The following CDAN1 variants were observed in gnomAD, a reference collection of about 807,000 sequenced individuals.
CDAN1 encodes codanin-1.
Under a neutral mutation model 139.8 loss-of-function variants are expected in CDAN1, and 107 were observed. The observed-to-expected ratio is 0.77, with a 90% confidence interval of 0.65 to 0.90. CDAN1 has a LOEUF of 0.90. CDAN1 is among the 40% of genes least tolerant of loss of function. CDAN1 has a pLI of 0.00. For missense variants in CDAN1, 1,667 were observed against 1,575.7 expected, an observed-to-expected ratio of 1.06 and a Z score of -0.98; for synonymous variants, 776 against 660.6, an observed-to-expected ratio of 1.17 and a Z score of -2.68.
At chr15:42,724,762 G>T in intron 27 of CDAN1, 146 bp from the exon 28 acceptor site, 2 of 1,047,842 alleles carry the variant, frequency 1.9e-6, no homozygotes, top group South Asian at 1.4e-5. Context: ...AACCTTGTCT[G>T]TTTGTTAGTA....
intron 21 of CDAN1, 67 bp from the exon 22 acceptor site, chr15:42,728,100 G>C (rs117597169): frequency 1.3e-6 from 2 of 1,586,230 alleles, no homozygotes; most frequent in Non-Finnish European, 1.7e-6. Context: ...TGCCAGAGTC[G>C]AGCACTGACC....
chr15:42,728,011 A>G lies in CDAN1; in HGVS notation c.2891T>C (p.Ile964Thr). Reference sequence around the variant, plus strand: ...TTTCTCTGTTGCAAGCCCCACAGCAATGTTCTCTGCACTGCTCAGAACCTG... The same window carrying G: ...TTTCTCTGTTGCAAGCCCCACAGCAGTGTTCTCTGCACTGCTCAGAACCTG... ...PAAVLSSAEN[I>T]AVGLATEKAC... The change falls in exon 22 of 28, where the codon ATT becomes ACT. Residue 964 changes from isoleucine (I) to threonine (T), a missense_variant. By Grantham distance (89) the Ile-to-Thr change is moderately conservative. This residue lies in a region of CDAN1 where 936 missense variants were observed against 844.1 expected (regional missense o/e 1.11). Coordinates refer to ENST00000356231, the MANE Select transcript of CDAN1 (RefSeq NM_138477.4). 2 of 1,613,678 alleles carry G rather than the reference A, an allele frequency of 1.2e-6. No homozygotes were observed. The highest frequency in any genetic ancestry group is 1.7e-6 in the Non-Finnish European group (2 of 1,179,858).
In CDAN1 at chr15:42,736,376, C is replaced by A; in HGVS notation, c.495G>T (p.Thr165=). The A allele has an allele frequency of 1.2e-6, 2 of 1,613,588 alleles. No homozygotes were observed. Among genetic ancestry groups the A allele is most frequent in the Non-Finnish European group, 1.7e-6 (2 of 1,179,898 alleles). The change falls in exon 2 of 28, where the codon ACG becomes ACT. Residue 165 remains threonine (T), a synonymous_variant. Coordinates refer to ENST00000356231, the MANE Select transcript of CDAN1 (RefSeq NM_138477.4). ...TGCTGAGGTTTGGCGGATCAGACAGCGTGAGGCTGGGGCGGCTGGGGCTGC... is the reference window on the plus strand; with the variant it reads ...TGCTGAGGTTTGGCGGATCAGACAGAGTGAGGCTGGGGCGGCTGGGGCTGC... ...GSGSPSRPSL[T]LSDPPNLSNL...
chr15:42,728,966 G>A (rs1005495851), intron 19 of CDAN1, 57 bp downstream of exon 19: 4 of 1,593,476 alleles, frequency 2.5e-6, no homozygotes, highest in Non-Finnish European at 3.4e-6. Flanking sequence ...TAGCAACTGA[G>A]GAAAAAGGGG....
intron 23 of CDAN1, chr15:42,726,774 G>A (rs981903233): frequency 2.2e-4 from 65 of 300,830 alleles, no homozygotes; most frequent in African/African-American, 1.0e-3. Context: ...TCTTAGTATC[G>A]TCTGTCTCTC....
At chr15:42,730,056 A>ACTCAGACATTTGCCCACTCCCC in intron 15 of CDAN1, 72 bp downstream of exon 15, 1 of 1,428,994 alleles carries the variant, frequency 7.0e-7, no homozygotes, top group Non-Finnish European at 9.9e-7. Flanking sequence ...CCTCATTCGC[A>ACTCAGACATTTGCCCACTCCCC]CTCAGACATT....
At position 42,727,894 on chromosome 15, in the gene CDAN1, AC is replaced by A. The variant is rs1187264488; in HGVS notation, c.2947+60del. Reference sequence around the variant, plus strand: ...TCCCATCGCCCACAAGATGCCTCTGACTCTCTGCCAGTCCACTTTTTAAACA... The same window carrying A: ...TCCCATCGCCCACAAGATGCCTCTGATCTCTGCCAGTCCACTTTTTAAACA... On this transcript the variant is annotated intron_variant, in intron 22 of 27. Transcript: ENST00000356231. 17 of 1,599,524 alleles carry A rather than the reference AC, an allele frequency of 1.1e-5. No homozygotes were observed. The South Asian group carries it at 1.8e-4, about 17-fold the overall frequency.
chr15:42,734,430 C>G (rs1384323442), intron 6 of CDAN1, 84 bp from the exon 7 acceptor site: 1 of 1,566,088 alleles, frequency 6.4e-7, no homozygotes, highest in Non-Finnish European at 8.8e-7. Flanking sequence ...CAGAGGATCT[C>G]TAAGGCATGG....
chr15:42,727,436 G>GT (rs1467381445), intron 23 of CDAN1, among the ~76,000 whole-genome samples, 185 bp downstream of exon 23: 7 of 152,216 alleles, frequency 4.6e-5, no homozygotes, highest in Non-Finnish European at 7.3e-5. Context: ...TGACAATTAG[G>GT]AAAACCATTC....
rs763304282 is a variant in CDAN1, at chr15:42,730,983, C to A, written c.1949G>T (p.Gly650Val). 2.5e-6 allele frequency: 4 copies of A among 1,614,126 alleles called. No individual in the cohort carries two copies. Among genetic ancestry groups the A allele is most frequent in the Non-Finnish European group, 3.4e-6 (4 of 1,180,026 alleles). The change falls in exon 13 of 28, where the codon GGG becomes GTG. Residue 650 changes from glycine (G) to valine (V), a missense_variant. Coordinates refer to ENST00000356231, the MANE Select transcript of CDAN1 (RefSeq NM_138477.4). Reference protein sequence around the residue: ...LGFVAFLPYRGPEPPPTGELQ... With the variant: ...LGFVAFLPYRVPEPPPTGELQ... Reference sequence around the variant, plus strand: ...CTCACCGGTCGGGGGAGGTTCAGGCCCCCGGTATGGCAGGAAAGCCACAAA... The same window carrying A: ...CTCACCGGTCGGGGGAGGTTCAGGCACCCGGTATGGCAGGAAAGCCACAAA...
intron 20 of CDAN1, among the ~76,000 whole-genome samples, 187 bp downstream of exon 20, chr15:42,728,465 A>C (rs1036614598): frequency 1.3e-5 from 2 of 151,300 alleles, no homozygotes; most frequent in African/African-American, 2.4e-5. Flanking sequence ...CACGCTCCCA[A>C]ACCTAGGTTT....
chr15:42,724,993 A>G (rs2061503433), intron 27 of CDAN1, 151 bp downstream of exon 27: 2 of 729,948 alleles, frequency 2.7e-6, no homozygotes. Flanking sequence ...CCCTCATATA[A>G]TAACTACTCA....
intron 23 of CDAN1, 50 bp downstream of exon 23, chr15:42,727,571 A>C (rs1253162819): frequency 1.4e-6 from 2 of 1,475,274 alleles, no homozygotes; most frequent in African/African-American, 2.8e-5. Flanking sequence ...CCAGGAACAG[A>C]GCAGGGGGGT....
chr15:42,731,581 G>A (rs1387359253), intron 11 of CDAN1, 39 bp downstream of exon 11: 7 of 1,602,786 alleles, frequency 4.4e-6, no homozygotes, highest in Non-Finnish European at 6.0e-6. Flanking sequence ...ACCTTTCCTG[G>A]CCTCTGCCCC....
rs760017799 is a variant in CDAN1, at chr15:42,735,517, G to A, written c.936C>T (p.Cys312=). Reference sequence around the variant, plus strand: ...CCCTCCGCTCTCACTCACCAGCAATGCACGAGGAGTAAACAAGGGCTACAA... The same window carrying A: ...CCCTCCGCTCTCACTCACCAGCAATACACGAGGAGTAAACAAGGGCTACAA... ...LELVALVYSS[C]IAENLVPNLF... is the part of the protein sequence containing the mutation. The change falls in exon 4 of 28, where the codon TGC becomes TGT. Residue 312 remains cysteine, a synonymous_variant. Transcript: ENST00000356231. 2 of 1,614,210 alleles carry A rather than the reference G, an allele frequency of 1.2e-6. No individual in the cohort carries two copies. The highest frequency in any genetic ancestry group is 1.1e-5 in the South Asian group (1 of 91,086).
Position 42,735,635 on chromosome 15 carries a change from G to A in CDAN1, c.818C>T (p.Pro273Leu), listed in dbSNP as rs2061677661. 3 of 1,613,976 alleles carry A rather than the reference G, an allele frequency of 1.9e-6. No individual in the cohort carries two copies. The highest frequency in any genetic ancestry group is 1.7e-5 in the Admixed American group (1 of 60,010). Reference protein sequence around the residue: ...QQSPTPTCPTPELGSPLPSRT... With the variant: ...QQSPTPTCPTLELGSPLPSRT... ...GCTGGGGAGGGGCGACCCCAATTCT[G>A]GGGTGGGACAGGTGGGGGTAGGTGA... The change falls in exon 4 of 28, where the codon CCA becomes CTA. Residue 273 changes from proline (P) to leucine (L), a missense_variant. By Grantham distance (98) the Pro-to-Leu change is moderately conservative. Coordinates refer to ENST00000356231, the MANE Select transcript of CDAN1 (RefSeq NM_138477.4).
rs2061513426 is a variant in CDAN1, at chr15:42,725,503, T to A, written c.3436A>T (p.Thr1146Ser). Residue 1146 changes from threonine to serine, a missense_variant, in exon 26 of 28, where the codon ACA (threonine) becomes TCA (serine). By Grantham distance (58) the Thr-to-Ser change is moderately conservative. This residue lies in a region of CDAN1 where 936 missense variants were observed against 844.1 expected (regional missense o/e 1.11). Coordinates refer to ENST00000356231, the MANE Select transcript of CDAN1 (RefSeq NM_138477.4). ...SPRNVGLLAD[T>S]RPREWDLLLF... The stretch of plus-strand genomic sequence containing the variant: ...GTCTGACTCACCTCCCTTGGCCTTG[T>A]GTCTGCCAGAAGCCCCACATTTCTT... The A allele has an allele frequency of 6.2e-7, 1 of 1,614,188 alleles. No individual in the cohort carries two copies. The highest frequency in any genetic ancestry group is 1.3e-5 in the African/African-American group (1 of 75,056).
Position 42,728,053 on chromosome 15 carries a change from A to G in CDAN1, c.2869-20T>C. 1 of 1,612,964 alleles carries G rather than the reference A, an allele frequency of 6.2e-7. No homozygotes were observed. Among genetic ancestry groups the G allele is most frequent in the South Asian group, 1.1e-5 (1 of 91,040 alleles). On this transcript the variant is annotated intron_variant, in intron 21 of 27. Coordinates refer to ENST00000356231, the MANE Select transcript of CDAN1 (RefSeq NM_138477.4). ...CAGAACCTGCGAAACAGAACTACAG[A>G]GTCAGGGGCTAGGGGAGGGCTGGGT...
rs755062475 is a variant in CDAN1, at chr15:42,726,414, C to T, written c.3100G>A (p.Val1034Met). ...CGTGGCCCCACGGCCAAGGAGAGCA[C>T]GTCCTGTGAAGAGCAGGGGGAGATA... ...PSHLISEIKD[V>M]LSLAVGPRDP... Residue 1034 changes from valine (V) to methionine (M), a missense_variant, in exon 24 of 28, where the codon GTG (valine) becomes ATG (methionine). By Grantham distance (21) the Val-to-Met change is conservative. Coordinates refer to ENST00000356231, the MANE Select transcript of CDAN1 (RefSeq NM_138477.4). 47 of 1,589,928 alleles carry T rather than the reference C, an allele frequency of 3.0e-5. No homozygotes were observed. Among genetic ancestry groups the T allele is most frequent in the Middle Eastern group, 1.7e-4 (1 of 6,052 alleles).
Sources: gnomAD v4.1 joint callset for allele counts (sites outside exome capture counted in the v4.1 genomes callset) on GRCh38, gnomAD v4.1.1 for gene constraint, gnomAD v4.1.1 regional missense constraint, MANE v1.5 for transcripts, NCBI Gene and HGNC (gene_info 2026-07-23, HGNC 2026-07-21) for gene names.